The following ACP2 variants were observed in gnomAD, a reference collection of about 807,000 sequenced individuals.
ACP2 encodes the protein acid phosphatase 2, lysosomal, also known as lysosomal acid phosphatase.
A neutral mutation model predicts 54.7 loss-of-function variants in ACP2; 35 were observed. That is an observed-to-expected ratio of 0.64 (90% CI 0.49 to 0.85). The LOEUF (loss-of-function observed/expected upper bound fraction) is 0.85. Among genes scored for constraint, ACP2 ranks in the 40% least tolerant of loss-of-function variants. The pLI is 0.00. For synonymous variants in ACP2, 210 were observed against 224.4 expected, an observed-to-expected ratio of 0.94 and a Z score of 0.57; for missense variants, 492 against 565.0, an observed-to-expected ratio of 0.87 and a Z score of 1.31.
intron 10 of ACP2, 58 bp from the exon 11 acceptor site, chr11:47,240,307 C>G (rs1277485761): frequency 2.3e-6 from 2 of 876,860 alleles, no homozygotes; most frequent in African/African-American, 3.3e-5. Flanking sequence ...ATGCCAGCTA[C>G]TGTTCTGACA....
In ACP2 at chr11:47,244,841, G is replaced by A. The variant is rs958024640; in HGVS notation, c.666C>T (p.Pro222=). The change falls in exon 7 of 11, where the codon CCC becomes CCT. Residue 222 remains proline, a synonymous_variant. Transcript: ENST00000672073. ...GCTGCATGGTTTGGGGTGAGGCCCA[G>A]GGCGGCAGGCGCAGCCCGTGCGTTT... ...CEQTHGLRLP[P]WASPQTMQRL... is the part of the protein sequence containing the mutation. 2.6e-5 allele frequency: 42 copies of A among 1,610,708 alleles called. No individual in the cohort carries two copies. The Admixed American group carries it at 6.0e-4, about 23-fold the overall frequency.
chr11:47,242,950 G>T (rs2135527867), intron 9 of ACP2, 52 bp from the exon 10 acceptor site: 2 of 1,610,012 alleles, frequency 1.2e-6, no homozygotes, highest in Middle Eastern at 1.7e-4. Flanking sequence ...CCCATCATGG[G>T]GTCCTTGGGC....
intron 6 of ACP2, 111 bp downstream of exon 6, chr11:47,245,194 T>C: frequency 8.2e-7 from 1 of 1,224,824 alleles, no homozygotes; most frequent in Non-Finnish European, 1.2e-6. Context: ...ACAGCCTCCC[T>C]GGACCTCCCC....
chr11:47,247,287 A>G, intron 3 of ACP2: 1 of 308,926 alleles, frequency 3.2e-6, no homozygotes, highest in Non-Finnish European at 6.2e-6. Context: ...GACAGAGATC[A>G]TATCTGTATG....
Position 47,245,811 on chromosome 11 carries a change from A to G in ACP2, c.321T>C (p.Phe107=). The G allele has an allele frequency of 6.3e-7, 1 of 1,590,150 alleles. No homozygotes were observed. Among genetic ancestry groups the G allele is most frequent in the Non-Finnish European group, 8.6e-7 (1 of 1,167,202 alleles). The change falls in exon 4 of 11, where the codon TTT becomes TTC. Residue 107 remains phenylalanine, a synonymous_variant. Transcript: ENST00000672073. Reference sequence around the variant, plus strand: ...CCTCAGCACTCATGAGAGTCCGGTCAAAGTCTGTGCTTCGCACATAAACCT... The same window carrying G: ...CCTCAGCACTCATGAGAGTCCGGTCGAAGTCTGTGCTTCGCACATAAACCT... The part of the protein sequence containing the change: ...RQEVYVRSTD[F]DRTLMSAEAN...
At chr11:47,244,912 C>A (rs755379836) in intron 6 of ACP2, 45 bp from the exon 7 acceptor site, 3 of 1,551,546 alleles carry the variant, frequency 1.9e-6, no homozygotes, top group Admixed American at 1.9e-5. Context: ...CCTAGGCCAG[C>A]CTCTCCAGGG....
intron 3 of ACP2, among the ~76,000 whole-genome samples, chr11:47,246,442 G>A (rs888861966): frequency 6.6e-6 from 1 of 152,116 alleles, no homozygotes; most frequent in Non-Finnish European, 1.5e-5. Flanking sequence ...ACCCAAGTGT[G>A]GCGGGCACTT....
intron 3 of ACP2, chr11:47,247,260 A>G (rs1258433829): frequency 1.6e-5 from 4 of 249,000 alleles, no homozygotes; most frequent in Admixed American, 5.0e-5. Context: ...CCCCCACAAC[A>G]TTCTAAGCTC....
intron 10 of ACP2, among the ~76,000 whole-genome samples, chr11:47,241,187 C>G (rs929236969): frequency 1.3e-5 from 2 of 152,166 alleles, no homozygotes; most frequent in Non-Finnish European, 2.9e-5. Flanking sequence ...CTAGAAAATT[C>G]TGAGAGGACA....
Position 47,244,807 on chromosome 11 carries a change from G to T in ACP2, c.700C>A (p.Arg234=), listed in dbSNP as rs1422414616. Residue 234 remains arginine (R), a synonymous_variant, in exon 7 of 11, where the codon CGG becomes AGG. Transcript: ENST00000672073. The part of the protein sequence containing the change: ...ASPQTMQRLS[R]LKDFSFRFLF... ...AAGCGGAAGCTGAAGTCCTTTAGCCGGCTGAGACGCTGCATGGTTTGGGGT... is the reference window on the plus strand; with the variant it reads ...AAGCGGAAGCTGAAGTCCTTTAGCCTGCTGAGACGCTGCATGGTTTGGGGT... 1.2e-6 allele frequency: 2 copies of T among 1,613,018 alleles called. No homozygotes were observed. Among genetic ancestry groups the T allele is most frequent in the Non-Finnish European group, 8.5e-7 (1 of 1,179,158 alleles).
At chr11:47,246,660 G>A (rs1954109928) in intron 3 of ACP2, among the ~76,000 whole-genome samples, 1 of 152,124 alleles carries the variant, frequency 6.6e-6, no homozygotes, top group African/African-American at 2.4e-5. Context: ...CGGATCAGCT[G>A]AGGTCAGGAG....
chr11:47,240,095 G>A lies in ACP2; in HGVS notation c.*21C>T, dbSNP rs779017121. ...CAGCCCACCTCCCCTAGGAGGTGGA[G>A]GGAAGGGGGCTGAGTGGTTGTCAGG... On this transcript the variant is annotated 3_prime_UTR_variant, in exon 11 of 11. Coordinates refer to ENST00000672073, the MANE Select transcript of ACP2 (RefSeq NM_001610.4). The A allele has an allele frequency of 2.7e-5, 44 of 1,609,352 alleles. No individual in the cohort carries two copies. Among genetic ancestry groups the A allele is most frequent in the Middle Eastern group, 3.8e-4 (2 of 5,228 alleles).
In ACP2 at chr11:47,244,686, C is replaced by T. The variant is rs371681009; in HGVS notation, c.772+49G>A. 89 of 1,452,548 alleles carry T rather than the reference C, an allele frequency of 6.1e-5. No individual in the cohort carries two copies. In the African/African-American group the frequency reaches 6.3e-4, roughly 10 times the overall value. The allele number at this position is 1,452,548 out of a possible 1,614,324, so 90.0% of individuals were successfully genotyped here. A position where few individuals can be genotyped will look rare whatever the true frequency, so the allele number is the denominator to read the frequency against. On this transcript the variant is annotated intron_variant, in intron 7 of 10. Coordinates refer to ENST00000672073, the MANE Select transcript of ACP2 (RefSeq NM_001610.4). ...AGAAGCCCCCACAGCAGATTTTTAACGCCTTAGGGTCCTGAGGAGTAGAGT... is the reference window on the plus strand; with the variant it reads ...AGAAGCCCCCACAGCAGATTTTTAATGCCTTAGGGTCCTGAGGAGTAGAGT...
intron 3 of ACP2, among the ~76,000 whole-genome samples, 162 bp from the exon 4 acceptor site, chr11:47,245,996 G>T (rs1002598624): frequency 6.6e-6 from 1 of 152,046 alleles, no homozygotes; most frequent in East Asian, 1.9e-4. Context: ...TGTTCCTGAT[G>T]GTCACCCAGC....
At chr11:47,242,458 C>T (rs535052797) in intron 10 of ACP2, among the ~76,000 whole-genome samples, 1 of 151,836 alleles carries the variant, frequency 6.6e-6, no homozygotes, top group South Asian at 2.1e-4. Flanking sequence ...GAGAGGCCAC[C>T]CTAAGCGGTG....
At chr11:47,246,941 CTG>C (rs1954136305) in intron 3 of ACP2, among the ~76,000 whole-genome samples, 1 of 151,960 alleles carries the variant, frequency 6.6e-6, no homozygotes, top group African/African-American at 2.4e-5. Flanking sequence ...GAGGAGGAAA[CTG>C]GGGAAGGACA....
intron 1 of ACP2, 107 bp downstream of exon 1, chr11:47,248,569 C>A: frequency 6.4e-7 from 1 of 1,551,794 alleles, no homozygotes; most frequent in South Asian, 1.2e-5. Context: ...CCAGGCCAGT[C>A]GTCCCCTCCT....
rs765671353 is a variant in ACP2 at position 47,245,551 on chromosome 11, G to A, written c.472C>T (p.Pro158Ser). Reference sequence around the variant, plus strand: ...TGCAGCTGCTCATAACGGGGACATGGGCCCAACGGGAACTTCAGCAGCTGT... The same window carrying A: ...TGCAGCTGCTCATAACGGGGACATGAGCCCAACGGGAACTTCAGCAGCTGT... ...EDRLLKFPLG[P>S]CPRYEQLQNE... The change falls in exon 5 of 11, where the codon CCA (proline) becomes TCA (serine). Residue 158 changes from proline (P) to serine (S), a missense_variant. Transcript: ENST00000672073. 1.9e-6 allele frequency: 3 copies of A among 1,614,246 alleles called. No homozygotes were observed. Among genetic ancestry groups the A allele is most frequent in the Admixed American group, 3.3e-5 (2 of 60,036 alleles).
intron 7 of ACP2, among the ~76,000 whole-genome samples, chr11:47,243,830 C>A (rs961477837): frequency 1.3e-5 from 2 of 151,966 alleles, no homozygotes; most frequent in Non-Finnish European, 2.9e-5. Flanking sequence ...CTGATGTGGG[C>A]GAAACTTAAG....
Sources: gnomAD v4.1 joint callset for allele counts (sites outside exome capture counted in the v4.1 genomes callset) on GRCh38, gnomAD v4.1.1 for gene constraint, MANE v1.5 for transcripts, NCBI Gene and HGNC (gene_info 2026-07-23, HGNC 2026-07-21) for gene names.